The following PLLP variants were observed in gnomAD, a reference collection of about 807,000 sequenced individuals.
The protein encoded by PLLP is plasmolipin.
A neutral mutation model predicts 19.7 loss-of-function variants in PLLP; 15 were observed. The ratio of observed to expected loss-of-function variants is 0.76; its 90% CI spans 0.51 to 1.17. The LOEUF (loss-of-function observed/expected upper bound fraction) is 1.17, where lower values mean the gene tolerates loss of function less well. Among genes scored for constraint, PLLP ranks in the 50% most tolerant of loss-of-function variants. The probability of loss-of-function intolerance (pLI) is 0.00; values close to 1 mark genes in which losing one functional copy is unlikely to be tolerated. For synonymous variants in PLLP, 111 were observed against 116.3 expected (o/e 0.95, Z 0.29); for missense variants, 255 against 258.3 (o/e 0.99, Z 0.09).
At chr16:57,260,075 G>A (rs2075437738) in intron 2 of PLLP, among the ~76,000 whole-genome samples, 2 of 151,976 alleles carry the variant, frequency 1.3e-5, no homozygotes, top group Admixed American at 6.6e-5. Context: ...GGCAGCTTGC[G>A]ATGGGCAGAT....
chr16:57,256,905 C>T lies in PLLP; in HGVS notation c.*8G>A. 1 of 1,591,476 alleles carries T rather than the reference C, an allele frequency of 6.3e-7. No homozygotes were observed. Among genetic ancestry groups the T allele is most frequent in the Non-Finnish European group, 8.6e-7 (1 of 1,160,626 alleles). On this transcript the variant is annotated 3_prime_UTR_variant, in exon 4 of 4. Coordinates refer to ENST00000219207, the MANE Select transcript of PLLP (RefSeq NM_015993.3). ...TTCAGCCCCAGAGGGGGCCGTGGCA[C>T]AGGTGGTTTAGGCATAGCCGCCAGC...
intron 1 of PLLP, among the ~76,000 whole-genome samples, 154 bp downstream of exon 1, chr16:57,284,252 C>T (rs993539607): frequency 6.6e-6 from 1 of 152,144 alleles, no homozygotes; most frequent in Non-Finnish European, 1.5e-5. Flanking sequence ...GTGCGGGAAG[C>T]GCCCTAGGGG....
intron 2 of PLLP, among the ~76,000 whole-genome samples, chr16:57,261,417 T>C (rs1345925820): frequency 6.6e-6 from 1 of 152,130 alleles, no homozygotes; most frequent in Non-Finnish European, 1.5e-5. Flanking sequence ...TGGCTCATGG[T>C]TCCCCAAAAA....
intron 1 of PLLP, among the ~76,000 whole-genome samples, chr16:57,277,436 A>T (rs111781920): frequency 3.1e-3 from 476 of 151,852 alleles, no homozygotes; most frequent in African/African-American, 0.011. Context: ...CTAAAAATAC[A>T]AAAATTAGTC....
intron 1 of PLLP, among the ~76,000 whole-genome samples, chr16:57,275,676 GA>G (rs1473855842): frequency 1.5e-4 from 20 of 132,912 alleles, no homozygotes; most frequent in African/African-American, 3.1e-4. Context: ...ATGAGAGGGG[GA>G]AAAAAACCCA....
intron 1 of PLLP, among the ~76,000 whole-genome samples, chr16:57,264,990 T>A (rs1443483582): frequency 6.6e-6 from 1 of 152,226 alleles, no homozygotes; most frequent in East Asian, 1.9e-4. Flanking sequence ...CAGCCCAAAG[T>A]GGGAGGCCCA....
intron 1 of PLLP, among the ~76,000 whole-genome samples, chr16:57,270,561 T>G (rs1275052725): frequency 6.6e-6 from 1 of 151,292 alleles, no homozygotes; most frequent in Non-Finnish European, 1.5e-5. Flanking sequence ...CCAGGCTCGG[T>G]CCCCACCCCC....
chr16:57,277,613 G>C (rs1361288502), intron 1 of PLLP, among the ~76,000 whole-genome samples: 2 of 152,070 alleles, frequency 1.3e-5, no homozygotes, highest in Non-Finnish European at 2.9e-5. Flanking sequence ...TAAAAATAAA[G>C]AAAAAGAAAT....
chr16:57,282,256 C>T (rs1160857800), intron 1 of PLLP, among the ~76,000 whole-genome samples: 13 of 146,190 alleles, frequency 8.9e-5, no homozygotes, highest in African/African-American at 2.5e-4. Flanking sequence ...GTGTGTTTGT[C>T]TGTTTGAGAC....
intron 2 of PLLP, among the ~76,000 whole-genome samples, chr16:57,260,728 G>A (rs1206725033): frequency 6.6e-6 from 1 of 152,064 alleles, no homozygotes; most frequent in Non-Finnish European, 1.5e-5. Flanking sequence ...GTGTCTGGCC[G>A]GGGTACTTCC....
At chr16:57,283,548 A>C (rs185752181) in intron 1 of PLLP, among the ~76,000 whole-genome samples, 1 of 152,194 alleles carries the variant, frequency 6.6e-6, no homozygotes, top group African/African-American at 2.4e-5. Flanking sequence ...GCCCTCACCC[A>C]CCCAGGGCAC....
rs372724686 is a variant in PLLP, at chr16:57,257,361, TC to T, written c.433-333del. Among the ~76,000 whole-genome samples, 717 of 152,306 alleles carry T rather than the reference TC, an allele frequency of 4.7e-3. 7 individuals are homozygous for T. Among genetic ancestry groups the T allele is most frequent in the African/African-American group, 0.016 (666 of 41,564 alleles). On this transcript the variant is annotated intron_variant, in intron 3 of 3. Coordinates refer to ENST00000219207, the MANE Select transcript of PLLP (RefSeq NM_015993.3). ...ACATTCAAAGGACACCCTAGGAATCTCCTAGAACCAGTTCAAGCCTCTATAC... is the reference window on the plus strand; with the variant it reads ...ACATTCAAAGGACACCCTAGGAATCTCTAGAACCAGTTCAAGCCTCTATAC...
Position 57,284,645 on chromosome 16 carries a change from T to C in PLLP, c.-105A>G. 8.8e-7 allele frequency: 1 copy of C among 1,133,644 alleles called. No individual in the cohort carries two copies. The allele number at this position is 1,133,644 out of a possible 1,614,324, so 70.2% of individuals were successfully genotyped here. A position where few individuals can be genotyped will look rare whatever the true frequency, so the allele number is the denominator to read the frequency against. On this transcript the variant is annotated 5_prime_UTR_variant, in exon 1 of 4. Coordinates refer to ENST00000219207, the MANE Select transcript of PLLP (RefSeq NM_015993.3). ...TTTTCCCCCAGGCTCCGGATCCCTG[T>C]GTGGCTCCAGGCGCTGCAGGAGGCG... is the stretch of plus-strand genomic sequence containing the variant.
intron 1 of PLLP, among the ~76,000 whole-genome samples, chr16:57,278,200 T>G (rs1436389704): frequency 1.3e-5 from 2 of 151,868 alleles, no homozygotes; most frequent in Non-Finnish European, 2.9e-5. Flanking sequence ...ATGAGTTGGG[T>G]GTAGTGGCAG....
intron 1 of PLLP, among the ~76,000 whole-genome samples, chr16:57,272,085 C>T (rs972286154): frequency 1.3e-5 from 2 of 152,234 alleles, no homozygotes; most frequent in East Asian, 1.9e-4. Flanking sequence ...CGCAACTACC[C>T]TGCCAGGCCC....
At chr16:57,280,763 G>A (rs538865887) in intron 1 of PLLP, among the ~76,000 whole-genome samples, 17 of 152,296 alleles carry the variant, frequency 1.1e-4, no homozygotes, top group African/African-American at 3.9e-4. Context: ...GTCTTATGTG[G>A]TTTAATATCA....
rs1472990246 is a variant in PLLP at position 57,284,460 on chromosome 16, G to A, written c.81C>T (p.Arg27=). The stretch of plus-strand genomic sequence containing the variant: ...GGGAGCGCACGAAGCCCAGGTCCGG[G>A]CGCAGCGCCGACACCGAGGCTTCGG... ...QGAEASVSAL[R]PDLGFVRSRL... The change falls in exon 1 of 4, where the codon CGC becomes CGT. Residue 27 remains arginine, a synonymous_variant. Transcript: ENST00000219207. 4 of 1,414,990 alleles carry A rather than the reference G, an allele frequency of 2.8e-6. No homozygotes were observed. The highest frequency in any genetic ancestry group is 2.9e-5 in the East Asian group (1 of 34,076). The allele number at this position is 1,414,990 out of a possible 1,614,324, so 87.7% of individuals were successfully genotyped here. A position where few individuals can be genotyped will look rare whatever the true frequency, so the allele number is the denominator to read the frequency against.
rs987583723 is a variant in PLLP, at chr16:57,256,822, G to A, written c.*91C>T. 13 of 831,376 alleles carry A rather than the reference G, an allele frequency of 1.6e-5. No individual in the cohort carries two copies. Among genetic ancestry groups the A allele is most frequent in the South Asian group, 5.9e-5 (4 of 68,210 alleles). The allele number at this position is 831,376 out of a possible 1,614,324, so 51.5% of individuals were successfully genotyped here. ...GCAGTCCCTGTTGGGCTGACTCCAC[G>A]CAGGGCTCCCCAGCTTCAGGCTTGC... On this transcript the variant is annotated 3_prime_UTR_variant, in exon 4 of 4. Coordinates refer to ENST00000219207, the MANE Select transcript of PLLP (RefSeq NM_015993.3).
At chr16:57,260,216 C>T (rs1434619831) in intron 2 of PLLP, among the ~76,000 whole-genome samples, 1 of 152,182 alleles carries the variant, frequency 6.6e-6, no homozygotes, top group Non-Finnish European at 1.5e-5. Context: ...TCTCTAGATG[C>T]AGTTAAGCCC....
Sources: allele counts gnomAD v4.1 joint callset (sites outside exome capture counted in the v4.1 genomes callset), GRCh38; gene constraint gnomAD v4.1.1; transcripts MANE v1.5; gene names NCBI Gene and HGNC (gene_info 2026-07-23, HGNC 2026-07-21).